The following ZC2HC1A variants were observed in gnomAD, a reference collection of about 807,000 sequenced individuals.
ZC2HC1A encodes the protein zinc finger C2HC domain-containing protein 1A.
A neutral mutation model predicts 40.7 loss-of-function variants in ZC2HC1A; 28 were observed. The ratio of observed to expected loss-of-function variants is 0.69; its 90% confidence interval spans 0.51 to 0.94. The LOEUF is 0.94. ZC2HC1A is among the 40% of genes least tolerant of loss of function. The probability of loss-of-function intolerance (pLI) is 0.00; values close to 1 mark genes in which losing one functional copy is unlikely to be tolerated. For synonymous variants in ZC2HC1A, 129 were observed against 129.2 expected, an observed-to-expected ratio of 1.00 and a Z score of 0.01; for missense variants, 389 against 386.3, an observed-to-expected ratio of 1.01 and a Z score of -0.06.
chr8:78,699,874 G>A (rs888179804), intron 7 of ZC2HC1A, among the ~76,000 whole-genome samples: 6 of 152,022 alleles, frequency 3.9e-5, no homozygotes, highest in African/African-American at 1.2e-4. Context: ...TATCATTGAT[G>A]GACATTTAGG....
At chr8:78,716,951 A>G (rs1811125920) in intron 8 of ZC2HC1A, among the ~76,000 whole-genome samples, 1 of 152,052 alleles carries the variant, frequency 6.6e-6, no homozygotes, top group South Asian at 2.1e-4. Context: ...GCCTTCTGCT[A>G]TGAATAAGTT....
At chr8:78,675,420 C>T (rs1007674922) in intron 1 of ZC2HC1A, among the ~76,000 whole-genome samples, 1 of 151,806 alleles carries the variant, frequency 6.6e-6, no homozygotes, top group African/African-American at 2.4e-5. Flanking sequence ...TTCTTCATGC[C>T]TTGGAAATTA....
intron 3 of ZC2HC1A, among the ~76,000 whole-genome samples, chr8:78,682,213 T>C (rs770379027): frequency 6.6e-6 from 1 of 152,158 alleles, no homozygotes; most frequent in Non-Finnish European, 1.5e-5. Context: ...CAGTTCCCAT[T>C]AAAATCAAGG....
intron 7 of ZC2HC1A, among the ~76,000 whole-genome samples, chr8:78,699,288 G>C (rs1445730041): frequency 6.6e-6 from 1 of 152,086 alleles, no homozygotes; most frequent in South Asian, 2.1e-4. Flanking sequence ...GGGAAAAATT[G>C]TAACAGTGGA....
chr8:78,680,583 A>G (rs931754049), intron 3 of ZC2HC1A, among the ~76,000 whole-genome samples: 2 of 152,236 alleles, frequency 1.3e-5, no homozygotes, highest in African/African-American at 2.4e-5. Flanking sequence ...AGAAAATCCT[A>G]CAAAATCATA....
intron 7 of ZC2HC1A, among the ~76,000 whole-genome samples, chr8:78,708,574 A>G (rs941942704): frequency 4.6e-5 from 7 of 152,134 alleles, no homozygotes; most frequent in Non-Finnish European, 1.0e-4. Context: ...AAAAAAAGCA[A>G]TCAAATCAAT....
chr8:78,696,414 C>T (rs529026879), intron 5 of ZC2HC1A, among the ~76,000 whole-genome samples: 4 of 152,198 alleles, frequency 2.6e-5, no homozygotes, highest in African/African-American at 9.6e-5. Flanking sequence ...TGATTTTCAC[C>T]TTATGGTTGA....
At chr8:78,712,882 T>A (rs1193210574) in intron 7 of ZC2HC1A, among the ~76,000 whole-genome samples, 1 of 152,136 alleles carries the variant, frequency 6.6e-6, no homozygotes, top group Non-Finnish European at 1.5e-5. Flanking sequence ...ACTACAACAG[T>A]CTGCTCAGTA....
chr8:78,699,501 GCAGGTTTGTTA>G (rs1169312142), intron 7 of ZC2HC1A, among the ~76,000 whole-genome samples: 1 of 152,028 alleles, frequency 6.6e-6, no homozygotes, highest in Non-Finnish European at 1.5e-5. Context: ...GGATACAAGT[GCAGGTTTGTTA>G]CATAGGTAAA....
intron 7 of ZC2HC1A, among the ~76,000 whole-genome samples, chr8:78,711,176 T>G (rs1010283164): frequency 1.3e-5 from 2 of 152,276 alleles, no homozygotes; most frequent in African/African-American, 4.8e-5. Flanking sequence ...GATGTGTTAT[T>G]CAGTAGCAAA....
chr8:78,678,769 A>T (rs1809667836), intron 3 of ZC2HC1A, 90 bp downstream of exon 3: 3 of 787,926 alleles, frequency 3.8e-6, no homozygotes, highest in Non-Finnish European at 5.8e-6. Flanking sequence ...GTTAAGAATA[A>T]ACACAATTAT....
chr8:78,713,520 A>G (rs1242841554), intron 7 of ZC2HC1A, among the ~76,000 whole-genome samples: 2 of 152,072 alleles, frequency 1.3e-5, no homozygotes, highest in African/African-American at 4.8e-5. Context: ...ATGATTTCCT[A>G]AAGATTGAAT....
chr8:78,676,309 T>G (rs1809577113), intron 2 of ZC2HC1A, among the ~76,000 whole-genome samples: 1 of 151,922 alleles, frequency 6.6e-6, no homozygotes, highest in African/African-American at 2.4e-5. Context: ...TAGTTAATTA[T>G]CCTTTTCTGT....
chr8:78,671,202 T>G (rs150182200), intron 1 of ZC2HC1A, among the ~76,000 whole-genome samples: 3 of 152,196 alleles, frequency 2.0e-5, no homozygotes, highest in Admixed American at 6.5e-5. Context: ...TCATCACTTA[T>G]AGTGTTAGAT....
At chr8:78,687,869 T>A (rs1192942188) in intron 4 of ZC2HC1A, among the ~76,000 whole-genome samples, 1 of 136,874 alleles carries the variant, frequency 7.3e-6, no homozygotes, top group Non-Finnish European at 1.5e-5. Context: ...TATATCTATA[T>A]AATAAATATA....
At chr8:78,691,910 C>T (rs894969286) in intron 5 of ZC2HC1A, among the ~76,000 whole-genome samples, 9 of 152,004 alleles carry the variant, frequency 5.9e-5, no homozygotes, top group South Asian at 2.1e-4. Flanking sequence ...AAATTGTAAA[C>T]GTGCAGATTA....
At chr8:78,677,974 G>A (rs1809636929) in intron 2 of ZC2HC1A, among the ~76,000 whole-genome samples, 1 of 152,240 alleles carries the variant, frequency 6.6e-6, no homozygotes, top group Non-Finnish European at 1.5e-5. Context: ...ACCATATAGG[G>A]TAACTTCCTG....
rs138890208 is a variant in ZC2HC1A, at chr8:78,719,681, T to G, written c.*2188T>G. 5 of 151,862 alleles carry G rather than the reference T, an allele frequency of 3.3e-5. No individual in the cohort carries two copies. The East Asian group carries it at 9.7e-4, about 29-fold the overall frequency. The allele number at this position is 151,862 out of a possible 1,614,324, so 9.4% of individuals were successfully genotyped here. A position where few individuals can be genotyped will look rare whatever the true frequency, so the allele number is the denominator to read the frequency against. On this transcript the variant is annotated 3_prime_UTR_variant, in exon 9 of 9. Coordinates refer to ENST00000263849, the MANE Select transcript of ZC2HC1A (RefSeq NM_016010.3). ...AAAAGATGATTGTGGTGACTATTAT[T>G]TCTTGTCCACTATTTGTTTTTTGTT... is the stretch of plus-strand genomic sequence containing the variant.
Position 78,719,523 on chromosome 8 carries a change from A to G in ZC2HC1A, c.*2030A>G, listed in dbSNP as rs1811198956. 1 of 151,812 alleles carries G rather than the reference A, an allele frequency of 6.6e-6. No individual in the cohort carries two copies. The highest frequency in any genetic ancestry group is 1.5e-5 in the Non-Finnish European group (1 of 67,724). 9.4% of individuals were successfully genotyped at this position (151,812 alleles called of 1,614,324 possible). ...GTGCAATAGTTCAGTTTTAAAAAAA[A>G]TCTTCCTATGCATCATGTATTTTAT... On this transcript the variant is annotated 3_prime_UTR_variant, in exon 9 of 9. Transcript: ENST00000263849.
Sources: allele counts gnomAD v4.1 joint callset (sites outside exome capture counted in the v4.1 genomes callset), GRCh38; gene constraint gnomAD v4.1.1; transcripts MANE v1.5; gene names NCBI Gene and HGNC (gene_info 2026-07-23, HGNC 2026-07-21).